Variants in NLGN1 observed in about 807,000 individuals in gnomAD.
The protein encoded by NLGN1 is neuroligin-1.
In NLGN1, 12 loss-of-function variants were observed where a neutral mutation model predicts 65.5. The observed-to-expected ratio is 0.18, with a 90% CI of 0.12 to 0.30. The LOEUF (loss-of-function observed/expected upper bound fraction) is 0.30. Ranked by LOEUF, NLGN1 falls within the 10% of genes least tolerant of loss-of-function variation. The pLI is 1.00. For missense variants in NLGN1, 750 were observed against 1,007.1 expected (o/e 0.74, Z 3.46); for synonymous variants, 350 against 359.5 (o/e 0.97, Z 0.30).
At chr3:173,426,289 G>T (rs1179678492) in intron 1 of NLGN1, among the ~76,000 whole-genome samples, 1 of 151,990 alleles carries the variant, frequency 6.6e-6, no homozygotes, top group Non-Finnish European at 1.5e-5. Flanking sequence ...AGGACAATTT[G>T]ACTTCTTCCT....
At chr3:173,540,328 T>G (rs1379273578) in intron 2 of NLGN1, among the ~76,000 whole-genome samples, 2 of 152,128 alleles carry the variant, frequency 1.3e-5, no homozygotes, top group African/African-American at 4.8e-5. Context: ...GCCTTCTCTT[T>G]TGCTGGGCCC....
At chr3:173,492,369 T>C (rs1246075400) in intron 2 of NLGN1, among the ~76,000 whole-genome samples, 1 of 151,844 alleles carries the variant, frequency 6.6e-6, no homozygotes, top group African/African-American at 2.4e-5. Flanking sequence ...TTCTTAGATA[T>C]ATTGCTTAAT....
intron 3 of NLGN1, among the ~76,000 whole-genome samples, chr3:173,628,295 G>A (rs189565532): frequency 6.6e-6 from 1 of 152,182 alleles, no homozygotes; most frequent in East Asian, 1.9e-4. Flanking sequence ...CTACTGGGTG[G>A]TGGGGGCTAA....
At chr3:173,402,676 A>T (rs2148611609) in intron 1 of NLGN1, among the ~76,000 whole-genome samples, 1 of 152,276 alleles carries the variant, frequency 6.6e-6, no homozygotes, top group East Asian at 1.9e-4. Context: ...ACCTCTTCTC[A>T]TAGCCCCACT....
chr3:174,224,912 G>T (rs1195623795), intron 4 of NLGN1, among the ~76,000 whole-genome samples: 2 of 152,130 alleles, frequency 1.3e-5, no homozygotes, highest in Non-Finnish European at 2.9e-5. Flanking sequence ...AGCCAAAGAG[G>T]TCAACTGATG....
At chr3:174,073,419 A>G (rs1560978102) in intron 4 of NLGN1, among the ~76,000 whole-genome samples, 1 of 152,198 alleles carries the variant, frequency 6.6e-6, no homozygotes, top group Non-Finnish European at 1.5e-5. Context: ...AAATAGTTTC[A>G]GTATGAACAT....
chr3:173,942,905 G>A (rs1746416078), intron 4 of NLGN1, among the ~76,000 whole-genome samples: 1 of 152,094 alleles, frequency 6.6e-6, no homozygotes, highest in Admixed American at 6.6e-5. Context: ...TGGACTGACA[G>A]TGTAACATAT....
intron 4 of NLGN1, among the ~76,000 whole-genome samples, chr3:174,088,808 AAC>A (rs1561014170): frequency 6.0e-5 from 9 of 149,842 alleles, no homozygotes; most frequent in Non-Finnish European, 1.2e-4. Flanking sequence ...AAATAAATAA[AAC>A]TAGATTATTT....
At chr3:174,196,403 AT>A (rs1483910238) in intron 4 of NLGN1, among the ~76,000 whole-genome samples, 1 of 152,142 alleles carries the variant, frequency 6.6e-6, no homozygotes, top group Non-Finnish European at 1.5e-5. Context: ...TAGATTTTCT[AT>A]TACATTTATT....
At chr3:173,833,022 T>C (rs964610211) in intron 4 of NLGN1, among the ~76,000 whole-genome samples, 1 of 141,924 alleles carries the variant, frequency 7.0e-6, no homozygotes, top group African/African-American at 2.7e-5. Context: ...AGGTGATAAA[T>C]ATTTAGGCTA....
chr3:173,452,360 AT>A lies in NLGN1; in HGVS notation c.-321+17289del, dbSNP rs962624122. ...CCACCACGTCCGGCTAATTTTTTGT[AT>A]TTTTTTGGTAGAGACGGGGTTTCAT... On this transcript the variant is annotated intron_variant, in intron 2 of 6. Coordinates refer to ENST00000457714, the Ensembl canonical transcript of NLGN1. 3.3e-5 allele frequency among the ~76,000 whole-genome samples: 5 copies of A among 151,766 alleles called. No individual in the cohort carries two copies. In the South Asian group the frequency reaches 1.0e-3, roughly 32 times the overall value.
intron 4 of NLGN1, among the ~76,000 whole-genome samples, chr3:174,152,988 C>G (rs1287467922): frequency 1.3e-5 from 2 of 152,104 alleles, no homozygotes; most frequent in African/African-American, 4.8e-5. Flanking sequence ...CCTGTCTCTT[C>G]TAAATTCTGA....
intron 3 of NLGN1, among the ~76,000 whole-genome samples, chr3:173,741,546 G>T (rs1299795321): frequency 6.6e-6 from 1 of 152,058 alleles, no homozygotes. Flanking sequence ...AGGTTGGAGT[G>T]CAGTGGCGCG....
chr3:173,513,375 C>T (rs1733305087), intron 2 of NLGN1, among the ~76,000 whole-genome samples: 1 of 152,124 alleles, frequency 6.6e-6, no homozygotes. Context: ...GAGCCTTCAC[C>T]AATTTGTCAT....
intron 4 of NLGN1, among the ~76,000 whole-genome samples, chr3:174,064,290 T>G (rs1375234188): frequency 9.9e-5 from 15 of 152,214 alleles, no homozygotes; most frequent in Non-Finnish European, 1.5e-5. Flanking sequence ...TGTAAAATAT[T>G]TTTTGGTGAA....
chr3:173,624,277 A>G (rs1249831987), intron 3 of NLGN1, among the ~76,000 whole-genome samples: 1 of 152,316 alleles, frequency 6.6e-6, no homozygotes, highest in South Asian at 2.1e-4. Context: ...AATAGATTAC[A>G]GGGTTAATAT....
intron 4 of NLGN1, among the ~76,000 whole-genome samples, chr3:173,976,111 A>G (rs761153698): frequency 2.0e-5 from 3 of 152,090 alleles, no homozygotes; most frequent in African/African-American, 7.2e-5. Context: ...CTACAACTCT[A>G]CATTCAGGGT....
downstream of NLGN1, among the ~76,000 whole-genome samples, chr3:174,291,570 T>A (rs144084454): frequency 2.4e-3 from 359 of 151,432 alleles, 1 homozygote; most frequent in African/African-American, 8.4e-3. Context: ...AAGACAACGC[T>A]TTATGCCAGT....
intron 4 of NLGN1, among the ~76,000 whole-genome samples, chr3:174,024,884 A>G (rs1424793644): frequency 6.6e-6 from 1 of 152,224 alleles, no homozygotes; most frequent in Non-Finnish European, 1.5e-5. Flanking sequence ...AAATCTTTAA[A>G]ATAGAAAGTA....
Sources: allele counts gnomAD v4.1 joint callset (sites outside exome capture counted in the v4.1 genomes callset), GRCh38; gene constraint gnomAD v4.1.1; transcripts MANE v1.5; gene names NCBI Gene and HGNC (gene_info 2026-07-23, HGNC 2026-07-21).